Variants in TAS1R1 observed in about 807,000 individuals in gnomAD.
The protein encoded by TAS1R1 is taste 1 receptor member 1.
TAS1R1 carries 31 observed loss-of-function variants against 45.8 expected under a neutral mutation model. The observed-to-expected ratio is 0.68, with a 90% CI of 0.51 to 0.91. The LOEUF is 0.91. Ranked by LOEUF, TAS1R1 falls within the 40% of genes least tolerant of loss-of-function variation. The pLI, the probability that TAS1R1 is intolerant of heterozygous loss-of-function variation, is 0.00. For synonymous variants in TAS1R1, 437 were observed against 448.4 expected, an observed-to-expected ratio of 0.97 and a Z score of 0.32; for missense variants, 1,051 against 1,063.9, an observed-to-expected ratio of 0.99 and a Z score of 0.17.
Position 6,574,839 on chromosome 1 carries a change from G to T in TAS1R1, c.707G>T (p.Gly236Val). The change falls in exon 3 of 6, where the codon GGG (glycine) becomes GTG (valine). Residue 236 changes from glycine to valine, a missense_variant. Gly to Val is a moderately radical substitution (Grantham distance 109). Transcript: ENST00000333172. This position sits in a 1 kb window ranked among gnomAD's most constrained non-coding sequence, Gnocchi z 4.3. ...QALENQATGQ[G>V]ICIAFKDIMP... The stretch of plus-strand genomic sequence containing the variant: ...CTGGAGAACCAGGCCACTGGTCAGG[G>T]GATCTGCATTGCTTTCAAGGACATC... The T allele has an allele frequency of 6.2e-7, 1 of 1,614,264 alleles. No homozygotes were observed. The highest frequency in any genetic ancestry group is 2.2e-5 in the East Asian group (1 of 44,884).
chr1:6,559,466 T>C (rs1639744074), intron 1 of TAS1R1, among the ~76,000 whole-genome samples: 1 of 151,700 alleles, frequency 6.6e-6, no homozygotes, highest in Non-Finnish European at 1.5e-5. Context: ...AAGACCAGCC[T>C]GGGCAACACA....
At chr1:6,567,702 C>T (rs2148670392) in intron 1 of TAS1R1, among the ~76,000 whole-genome samples, 1 of 152,266 alleles carries the variant, frequency 6.6e-6, no homozygotes, top group East Asian at 1.9e-4. Flanking sequence ...CAAGGAGCTG[C>T]GGGAGTGTAA....
rs569591467 is a variant in TAS1R1 at position 6,568,602 on chromosome 1, A to G, written c.192-2307A>G. ...TTGGGAAGTTTCTTTAAGTTTTTCA[A>G]AATTTACAGGCTTATGGGCAGCTTT... On this transcript the variant is annotated intron_variant, in intron 1 of 5. Coordinates refer to ENST00000333172, the MANE Select transcript of TAS1R1 (RefSeq NM_138697.4). Among the ~76,000 whole-genome samples, 6 of 152,328 alleles carry G rather than the reference A, an allele frequency of 3.9e-5. No individual in the cohort carries two copies. The South Asian group carries it at 1.2e-3, about 32-fold the overall frequency.
chr1:6,576,715 G>A, intron 4 of TAS1R1, 88 bp downstream of exon 4: 1 of 1,527,192 alleles, frequency 6.5e-7, no homozygotes, highest in South Asian at 1.2e-5. Flanking sequence ...ACAGGGAGCA[G>A]GAGGGGGGCC....
chr1:6,576,312 G>T, intron 3 of TAS1R1, 103 bp from the exon 4 acceptor site: 2 of 1,132,706 alleles, frequency 1.8e-6, no homozygotes, highest in South Asian at 2.8e-5. Flanking sequence ...CTGATGGGCT[G>T]AAACCACCAG....
At chr1:6,558,613 G>A (rs1376527177) in intron 1 of TAS1R1, among the ~76,000 whole-genome samples, 1 of 151,962 alleles carries the variant, frequency 6.6e-6, no homozygotes, top group East Asian at 1.9e-4. Context: ...CTGGCTACTT[G>A]GGAGGCTGAG....
chr1:6,575,691 C>CTTTTT (rs200684783), intron 3 of TAS1R1, among the ~76,000 whole-genome samples: 1 of 83,900 alleles, frequency 1.2e-5, no homozygotes. Flanking sequence ...GATAATTTTT[C>CTTTTT]TTTTCTTTTT....
chr1:6,562,497 T>C (rs890225249), intron 1 of TAS1R1, among the ~76,000 whole-genome samples: 1 of 152,182 alleles, frequency 6.6e-6, no homozygotes, highest in Non-Finnish European at 1.5e-5. Context: ...CCCTGGACCC[T>C]GGGCATGTTC....
Position 6,576,931 on chromosome 1 carries a change from C to T in TAS1R1, c.1474-19C>T, listed in dbSNP as rs1640195765. The T allele has an allele frequency of 3.7e-6, 6 of 1,614,212 alleles. No homozygotes were observed. Among genetic ancestry groups the T allele is most frequent in the Non-Finnish European group, 5.1e-6 (6 of 1,180,012 alleles). On this transcript the variant is annotated intron_variant, in intron 4 of 5. Coordinates refer to ENST00000333172, the MANE Select transcript of TAS1R1 (RefSeq NM_138697.4). ...CTTTGACTTGGGCCCCTACGTGTGG[C>T]CCCTCTGGCTTCTTACAGGTGCCTA...
At chr1:6,566,659 T>A (rs922076893) in intron 1 of TAS1R1, among the ~76,000 whole-genome samples, 1 of 152,074 alleles carries the variant, frequency 6.6e-6, no homozygotes, top group Admixed American at 6.5e-5. Context: ...GCAGTGGCGC[T>A]ATCTCGGCTC....
In TAS1R1 at chr1:6,575,093, G is replaced by T; in HGVS notation, c.961G>T (p.Val321Leu). 1 of 1,588,782 alleles carries T rather than the reference G, an allele frequency of 6.3e-7. No homozygotes were observed. The highest frequency in any genetic ancestry group is 8.6e-7 in the Non-Finnish European group (1 of 1,167,246). Residue 321 changes from valine (V) to leucine (L), a missense_variant, in exon 3 of 6, where the codon GTG becomes TTG. Physicochemically the swap from Val to Leu is conservative, Grantham distance 32. Transcript: ENST00000333172. ...GVPGIQRIGMVLGVAIQKRAV... is the reference protein window; with the variant it reads ...GVPGIQRIGMLLGVAIQKRAV... ...GCCCGGGATCCAGCGCATTGGGATG[G>T]TGCTGGGCGTGGCCATCCAGAAGAG...
chr1:6,573,082 C>T (rs898256442), intron 2 of TAS1R1, among the ~76,000 whole-genome samples: 5 of 152,218 alleles, frequency 3.3e-5, no homozygotes, highest in Admixed American at 2.6e-4. Context: ...CCATCAGTGT[C>T]CTAAGGCTTC....
At chr1:6,558,995 C>A (rs1404988370) in intron 1 of TAS1R1, among the ~76,000 whole-genome samples, 1 of 146,628 alleles carries the variant, frequency 6.8e-6, no homozygotes, top group East Asian at 2.0e-4. Flanking sequence ...GGTTTCACAT[C>A]ATTCTCCTGC....
chr1:6,565,626 T>G (rs994361220), intron 1 of TAS1R1, among the ~76,000 whole-genome samples: 1 of 152,136 alleles, frequency 6.6e-6, no homozygotes, highest in Non-Finnish European at 1.5e-5. Context: ...TTTGTTTTCT[T>G]TTTGGAGACG....
At chr1:6,557,167 T>C (rs1639701327) in intron 1 of TAS1R1, among the ~76,000 whole-genome samples, 1 of 150,036 alleles carries the variant, frequency 6.7e-6, no homozygotes, top group East Asian at 1.9e-4. Flanking sequence ...GGAAATCTAG[T>C]GTATGACGAC....
chr1:6,560,114 T>A (rs1639756409), intron 1 of TAS1R1, among the ~76,000 whole-genome samples: 1 of 151,034 alleles, frequency 6.6e-6, no homozygotes, highest in Admixed American at 6.6e-5. Flanking sequence ...CTGACCAACA[T>A]GGAGAAACCC....
At chr1:6,557,232 G>T (rs1156728844) in intron 1 of TAS1R1, among the ~76,000 whole-genome samples, 2 of 151,812 alleles carry the variant, frequency 1.3e-5, no homozygotes, top group Non-Finnish European at 2.9e-5. Flanking sequence ...AGAATGGGCT[G>T]GGAAGAGAGA....
chr1:6,561,669 C>T (rs1361851333), intron 1 of TAS1R1, among the ~76,000 whole-genome samples: 2 of 150,766 alleles, frequency 1.3e-5, no homozygotes, highest in Non-Finnish European at 2.9e-5. Context: ...GAGCCCAGCT[C>T]GCGCCACCGC....
rs552186830 is a variant in TAS1R1, at chr1:6,575,120, G to T, written c.988G>T (p.Ala330Ser). Residue 330 changes from alanine to serine, a missense_variant, in exon 3 of 6, where the codon GCT becomes TCT. Ala to Ser is a moderately conservative substitution (Grantham distance 99). Coordinates refer to ENST00000333172, the MANE Select transcript of TAS1R1 (RefSeq NM_138697.4). Reference protein sequence around the residue: ...MVLGVAIQKRAVPGLKAFEEA... With the variant: ...MVLGVAIQKRSVPGLKAFEEA... ...GCTGGGCGTGGCCATCCAGAAGAGG[G>T]CTGTCCCTGGCCTGAAGGCGTTTGA... is the stretch of plus-strand genomic sequence containing the variant. 6.3e-7 allele frequency: 1 copy of T among 1,584,982 alleles called. No individual in the cohort carries two copies. Among genetic ancestry groups the T allele is most frequent in the South Asian group, 1.2e-5 (1 of 85,944 alleles).
Sources: gnomAD v4.1 joint callset for allele counts (sites outside exome capture counted in the v4.1 genomes callset) on GRCh38, gnomAD v4.1.1 for gene constraint, Gnocchi (gnomAD v3.1) non-coding constraint, MANE v1.5 for transcripts, NCBI Gene and HGNC (gene_info 2026-07-23, HGNC 2026-07-21) for gene names.